Variants in MAGI1 observed in about 807,000 individuals in gnomAD.
MAGI1 encodes the protein membrane-associated guanylate kinase, WW and PDZ domain-containing protein 1.
In MAGI1, 58 loss-of-function variants were observed where a neutral mutation model predicts 139.9. The observed-to-expected ratio is 0.41, with a 90% CI of 0.34 to 0.52. The LOEUF (loss-of-function observed/expected upper bound fraction) is 0.52, where lower values mean the gene tolerates loss of function less well. Ranked by LOEUF, MAGI1 falls within the 20% of genes least tolerant of loss-of-function variation. The pLI is 0.12. For missense variants in MAGI1, 1,874 were observed against 1,901.6 expected (o/e 0.99, Z 0.27); for synonymous variants, 812 against 737.9 (o/e 1.10, Z -1.63).
chr3:65,383,692 C>T, intron 14 of MAGI1, 69 bp from the exon 15 acceptor site: 1 of 945,280 alleles, frequency 1.1e-6, no homozygotes, highest in South Asian at 1.3e-5. Flanking sequence ...CCAAGATGAA[C>T]ACAGTTGCAG....
chr3:65,969,122 A>G (rs1235047553), intron 1 of MAGI1, among the ~76,000 whole-genome samples: 1 of 152,230 alleles, frequency 6.6e-6, no homozygotes, highest in Non-Finnish European at 1.5e-5. Flanking sequence ...CAAGGGAAGA[A>G]TTGAGGCTGG....
At chr3:65,365,235 T>C (rs1202366564) in intron 18 of MAGI1, 1 of 592,408 alleles carries the variant, frequency 1.7e-6, no homozygotes, top group Non-Finnish European at 3.2e-6. Flanking sequence ...CCAAGGTATA[T>C]GTTTCTCACT....
intron 1 of MAGI1, among the ~76,000 whole-genome samples, chr3:65,977,616 C>T (rs774797204): frequency 1.1e-4 from 16 of 151,938 alleles, no homozygotes; most frequent in Non-Finnish European, 1.9e-4. Context: ...GAGGCTGAGG[C>T]ACAAGAATCA....
At chr3:65,615,147 G>A (rs2083306454) in intron 2 of MAGI1, among the ~76,000 whole-genome samples, 1 of 152,092 alleles carries the variant, frequency 6.6e-6, no homozygotes, top group African/African-American at 2.4e-5. Flanking sequence ...TGTAATAAAT[G>A]GCATAATCCA....
At chr3:65,883,589 A>C (rs1365009008) in intron 1 of MAGI1, among the ~76,000 whole-genome samples, 1 of 152,190 alleles carries the variant, frequency 6.6e-6, no homozygotes, top group African/African-American at 2.4e-5. Context: ...CCTTTACTGA[A>C]TTATTAATAT....
At chr3:65,492,894 C>A (rs146481680) in intron 3 of MAGI1, among the ~76,000 whole-genome samples, 6 of 151,782 alleles carry the variant, frequency 4.0e-5, no homozygotes, top group South Asian at 2.1e-4. Flanking sequence ...CTGGCTAACA[C>A]GGTGAAACCC....
chr3:65,583,433 C>T (rs1576389839), intron 2 of MAGI1, among the ~76,000 whole-genome samples: 2 of 152,134 alleles, frequency 1.3e-5, no homozygotes, highest in Admixed American at 1.3e-4. Flanking sequence ...CTCAGAGTCA[C>T]AAATAATATA....
chr3:65,913,729 CACAGAAAACAA>C (rs1246422626), intron 1 of MAGI1, among the ~76,000 whole-genome samples: 2 of 152,130 alleles, frequency 1.3e-5, no homozygotes, highest in Non-Finnish European at 2.9e-5. Context: ...GCAGGTGTTC[CACAGAAAACAA>C]ACTGAAAACA....
At chr3:65,597,579 C>G (rs990197501) in intron 2 of MAGI1, 17 of 433,774 alleles carry the variant, frequency 3.9e-5, no homozygotes, top group African/African-American at 3.0e-4. Context: ...GCCATCTGGC[C>G]CTCCCAAGCT....
At chr3:65,920,500 T>C (rs2062124152) in intron 1 of MAGI1, among the ~76,000 whole-genome samples, 1 of 152,164 alleles carries the variant, frequency 6.6e-6, no homozygotes, top group Admixed American at 6.5e-5. Flanking sequence ...ATCTCTCTTC[T>C]CCTAGATTCA....
intron 1 of MAGI1, among the ~76,000 whole-genome samples, chr3:65,655,787 G>A (rs908071012): frequency 3.3e-5 from 5 of 152,316 alleles, no homozygotes; most frequent in South Asian, 4.1e-4. Context: ...GAATGCAACT[G>A]AATTCCAGTT....
intron 1 of MAGI1, among the ~76,000 whole-genome samples, chr3:65,797,412 T>G (rs1420129191): frequency 2.6e-5 from 4 of 152,130 alleles, no homozygotes; most frequent in African/African-American, 9.7e-5. Context: ...TTAAATAGAT[T>G]TAAAATGAGA....
chr3:65,362,851 C>A (rs776759140), intron 21 of MAGI1, among the ~76,000 whole-genome samples: 3 of 152,180 alleles, frequency 2.0e-5, no homozygotes, highest in East Asian at 1.9e-4. Context: ...CCCAGGAGAA[C>A]AGCACATTCA....
intron 1 of MAGI1, among the ~76,000 whole-genome samples, chr3:65,967,309 G>C (rs1351662604): frequency 6.6e-6 from 1 of 152,144 alleles, no homozygotes; most frequent in African/African-American, 2.4e-5. Context: ...CAACGTTGCT[G>C]TATGTTTAAA....
At chr3:65,630,709 AGG>A (rs1234475573) in intron 1 of MAGI1, among the ~76,000 whole-genome samples, 1 of 152,152 alleles carries the variant, frequency 6.6e-6, no homozygotes, top group Admixed American at 6.5e-5. Context: ...GGGATGTAGG[AGG>A]GGAGATTGAG....
chr3:65,791,027 G>C (rs998871145), intron 1 of MAGI1, among the ~76,000 whole-genome samples: 10 of 151,876 alleles, frequency 6.6e-5, no homozygotes, highest in African/African-American at 1.9e-4. Context: ...GTAAGCCAAG[G>C]TCGCATCACT....
intron 1 of MAGI1, among the ~76,000 whole-genome samples, chr3:65,745,438 C>A (rs1052787637): frequency 6.6e-6 from 1 of 152,140 alleles, no homozygotes; most frequent in Non-Finnish European, 1.5e-5. Context: ...AATCCACTGA[C>A]AAAAATACAG....
In MAGI1 at chr3:65,994,858, G is replaced by T. The variant is rs763129075; in HGVS notation, c.313+43138C>A. ...GAGGCTATCTAGCCAACAGCTGACTGTAACTTACACACATCAATGAATGAA... is the reference window on the plus strand; with the variant it reads ...GAGGCTATCTAGCCAACAGCTGACTTTAACTTACACACATCAATGAATGAA... On this transcript the variant is annotated intron_variant, in intron 1 of 22. Transcript: ENST00000402939. Among the ~76,000 whole-genome samples the T allele has an allele frequency of 4.6e-5, 7 of 152,208 alleles. No homozygotes were observed. In the East Asian group the frequency reaches 7.7e-4, roughly 17 times the overall value.
At chr3:65,746,042 C>T (rs2035683417) in intron 1 of MAGI1, among the ~76,000 whole-genome samples, 1 of 151,730 alleles carries the variant, frequency 6.6e-6, no homozygotes, top group East Asian at 1.9e-4. Flanking sequence ...ATACTGAATT[C>T]TTTTCTTTTT....
Sources: gnomAD v4.1 joint callset for allele counts (sites outside exome capture counted in the v4.1 genomes callset) on GRCh38, gnomAD v4.1.1 for gene constraint, MANE v1.5 for transcripts, NCBI Gene and HGNC (gene_info 2026-07-23, HGNC 2026-07-21) for gene names.